CEP55: variants seen among roughly 807,000 people sequenced by gnomAD.
CEP55 encodes centrosomal protein 55.
A neutral mutation model predicts 63.2 loss-of-function variants in CEP55; 57 were observed. The ratio of observed to expected loss-of-function variants is 0.90; its 90% CI spans 0.73 to 1.13. The LOEUF is 1.13. Ranked by LOEUF, CEP55 falls within the 50% of genes most tolerant of loss-of-function variation. The probability of loss-of-function intolerance (pLI) is 0.00; values close to 1 mark genes in which losing one functional copy is unlikely to be tolerated. For synonymous variants in CEP55, 178 were observed against 191.6 expected, an observed-to-expected ratio of 0.93 and a Z score of 0.59; for missense variants, 456 against 518.9, an observed-to-expected ratio of 0.88 and a Z score of 1.18.
chr10:93,527,814 G>A (rs12245124), intron 8 of CEP55, 136 bp from the exon 9 acceptor site: 75,233 of 695,054 alleles, frequency 0.11, 4,669 homozygotes, highest in Non-Finnish European at 0.13. Context: ...CTGGGAGGTC[G>A]AGGCTGCAGT....
In CEP55 at chr10:93,528,117, C is replaced by T. The variant is rs1295082164; in HGVS notation, c.1359C>T (p.Arg453=). Residue 453 remains arginine, a synonymous_variant, in exon 9 of 9, where the codon CGC becomes CGT. Coordinates refer to ENST00000371485, the MANE Select transcript of CEP55 (RefSeq NM_018131.5). ...CNIQYPATEH[R]DLLVHVEYCS... ...TACAGTATCCAGCCACTGAGCATCGCGATCTGCTTGTCCATGTGGAATACT... is the reference window on the plus strand; with the variant it reads ...TACAGTATCCAGCCACTGAGCATCGTGATCTGCTTGTCCATGTGGAATACT... 1.5e-5 allele frequency: 25 copies of T among 1,613,970 alleles called. No individual in the cohort carries two copies. Among genetic ancestry groups the T allele is most frequent in the South Asian group, 2.2e-5 (2 of 91,078 alleles).
intron 3 of CEP55, among the ~76,000 whole-genome samples, chr10:93,505,427 G>A (rs538166940): frequency 6.6e-6 from 1 of 152,228 alleles, no homozygotes; most frequent in East Asian, 1.9e-4. Context: ...GGGGTCTGGG[G>A]CCAGGCCTGG....
At chr10:93,509,185 G>A (rs1228951152) in intron 4 of CEP55, among the ~76,000 whole-genome samples, 1 of 152,096 alleles carries the variant, frequency 6.6e-6, no homozygotes, top group African/African-American at 2.4e-5. Flanking sequence ...TCTTTTTTAT[G>A]AAATTAACTT....
At chr10:93,521,332 G>A (rs556567381) in intron 8 of CEP55, among the ~76,000 whole-genome samples, 14 of 152,264 alleles carry the variant, frequency 9.2e-5, no homozygotes, top group African/African-American at 3.1e-4. Flanking sequence ...CTACACCTAC[G>A]GAGCCTTGCT....
chr10:93,519,267 G>A lies in CEP55; in HGVS notation c.1065+319G>A, dbSNP rs141807579. Among the ~76,000 whole-genome samples the A allele has an allele frequency of 4.6e-4, 70 of 152,132 alleles. 2 individuals carry two copies. The East Asian group carries it at 0.012, about 26-fold the overall frequency. ...AGCCTAACAATGTCTCCTAAGTAGG[G>A]CTACCTTATAACTTCAAGCAGAACT... On this transcript the variant is annotated intron_variant, in intron 7 of 8. Coordinates refer to ENST00000371485, the MANE Select transcript of CEP55 (RefSeq NM_018131.5).
intron 3 of CEP55, among the ~76,000 whole-genome samples, chr10:93,505,650 T>G (rs2057680544): frequency 6.6e-6 from 1 of 152,144 alleles, no homozygotes; most frequent in South Asian, 2.1e-4. Context: ...AGAAAAATAA[T>G]TTTTTTGAGC....
In CEP55 at chr10:93,496,658, C is replaced by T. The variant is rs1472605849; in HGVS notation, c.-278C>T. The T allele has an allele frequency of 6.6e-6, 1 of 152,248 alleles. No homozygotes were observed. The highest frequency in any genetic ancestry group is 1.5e-5 in the Non-Finnish European group (1 of 68,060). 9.4% of individuals were successfully genotyped at this position (152,248 alleles called of 1,614,324 possible). A position where few individuals can be genotyped will look rare whatever the true frequency, so the allele number is the denominator to read the frequency against. On this transcript the variant is annotated 5_prime_UTR_variant, in exon 1 of 9. The change creates a new upstream start codon in the 5' untranslated region. Transcript: ENST00000371485. ...ACACCTGATGGTGTGACTCGGCCGA[C>T]GCGAGCGCCGCGCTTCGCTTCAGCT...
In CEP55 at chr10:93,517,218, GAAGAA is replaced by G; in HGVS notation, c.964_968del (p.Lys322GlufsTer41). On this transcript the variant is annotated frameshift_variant, in exon 6 of 9. Transcript: ENST00000371485. LOFTEE classifies it high-confidence loss of function. ...TTGCTAGGGGAAAACTTGAAGAAGA[GAAGAA>G]GAGATCCGAAGAGCTCTTATCTCAG... The G allele has an allele frequency of 3.7e-6, 6 of 1,606,992 alleles. No individual in the cohort carries two copies. The highest frequency in any genetic ancestry group is 5.1e-6 in the Non-Finnish European group (6 of 1,176,860).
chr10:93,507,568 CA>C, intron 4 of CEP55, among the ~76,000 whole-genome samples: 1 of 152,214 alleles, frequency 6.6e-6, no homozygotes, highest in Admixed American at 6.6e-5. Context: ...TCACTGCCAC[CA>C]AATACCTCAA....
intron 6 of CEP55, among the ~76,000 whole-genome samples, chr10:93,518,566 A>G (rs2134487245): frequency 6.6e-6 from 1 of 152,218 alleles, no homozygotes; most frequent in East Asian, 1.9e-4. Context: ...AGGGCCCAGC[A>G]CTGCCACCCA....
At chr10:93,512,244 G>C (rs571223233) in intron 4 of CEP55, among the ~76,000 whole-genome samples, 1 of 49,040 alleles carries the variant, frequency 2.0e-5, no homozygotes, top group African/African-American at 6.8e-5. Flanking sequence ...AAAAAAATTG[G>C]CCGGGCTCAG....
rs559622627 is a variant in CEP55, at chr10:93,528,530, G to T, written c.*377G>T. ...TGAAAAATCAAAGATAATTAACCAAGGATCTTAACTGTGTTCGCATTTTTT... is the reference window on the plus strand; with the variant it reads ...TGAAAAATCAAAGATAATTAACCAATGATCTTAACTGTGTTCGCATTTTTT... On this transcript the variant is annotated 3_prime_UTR_variant, in exon 9 of 9. Transcript: ENST00000371485. The T allele has an allele frequency of 1.6e-5, 3 of 190,506 alleles. No individual in the cohort carries two copies. The highest frequency in any genetic ancestry group is 4.7e-5 in the African/African-American group (2 of 42,166). 11.8% of individuals were successfully genotyped at this position (190,506 alleles called of 1,614,324 possible).
intron 8 of CEP55, among the ~76,000 whole-genome samples, chr10:93,524,555 T>C (rs1323623455): frequency 6.6e-6 from 1 of 151,682 alleles, no homozygotes; most frequent in African/African-American, 2.4e-5. Context: ...TTCCAAACAA[T>C]AGAAAAAAAG....
chr10:93,508,620 C>T (rs1482212349), intron 4 of CEP55, among the ~76,000 whole-genome samples: 1 of 152,196 alleles, frequency 6.6e-6, no homozygotes, highest in Non-Finnish European at 1.5e-5. Context: ...TTTATTTACT[C>T]CACCTGCACC....
chr10:93,517,796 G>T (rs1266025358), intron 6 of CEP55, among the ~76,000 whole-genome samples: 1 of 152,230 alleles, frequency 6.6e-6, no homozygotes, highest in African/African-American at 2.4e-5. Flanking sequence ...ACAGTACTTT[G>T]ATGGAACTCT....
At chr10:93,508,251 G>A (rs1407499590) in intron 4 of CEP55, among the ~76,000 whole-genome samples, 4 of 152,130 alleles carry the variant, frequency 2.6e-5, no homozygotes, top group Non-Finnish European at 4.4e-5. Flanking sequence ...AAGTTTTAGA[G>A]ATATGAAGTA....
chr10:93,509,082 G>C (rs1397339326), intron 4 of CEP55, among the ~76,000 whole-genome samples: 1 of 151,670 alleles, frequency 6.6e-6, no homozygotes, highest in Admixed American at 6.6e-5. Context: ...CCTGAAAATA[G>C]ATGCCATTAT....
Position 93,515,509 on chromosome 10 carries a change from A to G in CEP55, c.633A>G (p.Thr211=). ...TTGAGTTGGAAAAGAAAACGGAAAC[A>G]GCTGCTCATTCACTCCCACAGCAGA... The part of the protein sequence containing the change: ...KIFELEKKTE[T]AAHSLPQQTK... Residue 211 remains threonine, a synonymous_variant, in exon 5 of 9, where the codon ACA becomes ACG. Coordinates refer to ENST00000371485, the MANE Select transcript of CEP55 (RefSeq NM_018131.5). 1 of 1,614,060 alleles carries G rather than the reference A, an allele frequency of 6.2e-7. No individual in the cohort carries two copies. The highest frequency in any genetic ancestry group is 8.5e-7 in the Non-Finnish European group (1 of 1,179,898).
intron 8 of CEP55, among the ~76,000 whole-genome samples, chr10:93,524,667 G>A (rs2134501790): frequency 6.6e-6 from 1 of 152,274 alleles, no homozygotes; most frequent in Admixed American, 6.5e-5. Flanking sequence ...TATCCCTGAT[G>A]AACATCGATG....
Sources: gnomAD v4.1 joint callset for allele counts (sites outside exome capture counted in the v4.1 genomes callset) on GRCh38, gnomAD v4.1.1 for gene constraint, MANE v1.5 for transcripts, NCBI Gene and HGNC (gene_info 2026-07-23, HGNC 2026-07-21) for gene names.